The following ARHGAP42 variants were observed in gnomAD, a reference collection of about 807,000 sequenced individuals.
The protein encoded by ARHGAP42 is rho GTPase-activating protein 42.
In ARHGAP42, 63 loss-of-function variants were observed where a neutral mutation model predicts 125.0. The ratio of observed to expected loss-of-function variants is 0.50; its 90% CI spans 0.41 to 0.62. The LOEUF (loss-of-function observed/expected upper bound fraction) is 0.62, where lower values mean the gene tolerates loss of function less well. Among genes scored for constraint, ARHGAP42 ranks in the 20% least tolerant of loss-of-function variants. The probability of loss-of-function intolerance (pLI) is 0.00; values close to 1 mark genes in which losing one functional copy is unlikely to be tolerated. For missense variants in ARHGAP42, 766 were observed against 1,024.2 expected (o/e 0.75, Z 3.44); for synonymous variants, 339 against 351.0 (o/e 0.97, Z 0.38).
chr11:100,800,789 A>G (rs937805416), intron 3 of ARHGAP42, among the ~76,000 whole-genome samples: 10 of 152,238 alleles, frequency 6.6e-5, no homozygotes, highest in South Asian at 4.1e-4. Flanking sequence ...GAAAAAAACT[A>G]TAGATACAAG....
chr11:100,947,451 T>C (rs1229909743), intron 10 of ARHGAP42, among the ~76,000 whole-genome samples: 1 of 152,088 alleles, frequency 6.6e-6, no homozygotes, highest in East Asian at 1.9e-4. Context: ...AACTCTGTAC[T>C]TAGGTTTTTT....
chr11:100,875,099 CTCTCTCTCTGTGTGTGTGTGTG>C (rs1865784065), intron 4 of ARHGAP42, among the ~76,000 whole-genome samples: 2 of 106,722 alleles, frequency 1.9e-5, no homozygotes, highest in South Asian at 3.3e-4. Flanking sequence ...CTCTCTCTCT[CTCTCTCTCTGTGTGTGTGTGTG>C]TGTGTGTGTG....
chr11:100,826,259 T>C (rs943285556), intron 3 of ARHGAP42, among the ~76,000 whole-genome samples: 1 of 152,162 alleles, frequency 6.6e-6, no homozygotes, highest in African/African-American at 2.4e-5. Flanking sequence ...GGGAAACACA[T>C]GAATGAGATG....
At chr11:100,714,908 C>T (rs1861629739) in intron 1 of ARHGAP42, among the ~76,000 whole-genome samples, 1 of 151,932 alleles carries the variant, frequency 6.6e-6, no homozygotes, top group South Asian at 2.1e-4. Flanking sequence ...ATTAGCTGGG[C>T]ATAGTGGTGC....
chr11:100,729,551 A>G (rs1861919129), intron 1 of ARHGAP42, among the ~76,000 whole-genome samples: 2 of 152,178 alleles, frequency 1.3e-5, no homozygotes, highest in Admixed American at 1.3e-4. Context: ...ATGCTTTGTC[A>G]TAACCATCTA....
intron 1 of ARHGAP42, among the ~76,000 whole-genome samples, chr11:100,697,760 A>G (rs1212940619): frequency 6.6e-6 from 1 of 152,162 alleles, no homozygotes; most frequent in African/African-American, 2.4e-5. Flanking sequence ...TCCAAATGAG[A>G]GCTATGTAAA....
chr11:100,832,451 A>G (rs951953994), intron 3 of ARHGAP42, among the ~76,000 whole-genome samples: 3 of 152,220 alleles, frequency 2.0e-5, no homozygotes, highest in African/African-American at 7.2e-5. Flanking sequence ...TTTTATTTAA[A>G]ACAATTCAAA....
chr11:100,947,346 G>T (rs886201903), intron 10 of ARHGAP42, among the ~76,000 whole-genome samples: 5 of 151,744 alleles, frequency 3.3e-5, no homozygotes, highest in African/African-American at 9.7e-5. Context: ...ATAGTTTTGT[G>T]TAGATATTTC....
intron 3 of ARHGAP42, among the ~76,000 whole-genome samples, chr11:100,854,805 G>C (rs1050765558): frequency 1.3e-5 from 2 of 152,156 alleles, no homozygotes; most frequent in Non-Finnish European, 2.9e-5. Context: ...GAGGAAGGAA[G>C]AACTAGATAC....
chr11:100,824,485 T>C (rs2135081798), intron 3 of ARHGAP42, among the ~76,000 whole-genome samples: 1 of 152,164 alleles, frequency 6.6e-6, no homozygotes, highest in Non-Finnish European at 1.5e-5. Flanking sequence ...TACATACAGG[T>C]TATTGCACTA....
chr11:100,957,737 C>T (rs971618309), intron 12 of ARHGAP42, among the ~76,000 whole-genome samples: 1 of 152,042 alleles, frequency 6.6e-6, no homozygotes, highest in African/African-American at 2.4e-5. Flanking sequence ...CGTAGAGTAA[C>T]GCTGCAGTTA....
chr11:100,841,724 G>T (rs1309652790), intron 3 of ARHGAP42, among the ~76,000 whole-genome samples: 1 of 151,938 alleles, frequency 6.6e-6, no homozygotes. Context: ...TCTTCTCTCT[G>T]CCTGAAAGCC....
At chr11:100,774,099 C>T (rs1423787902) in intron 2 of ARHGAP42, among the ~76,000 whole-genome samples, 2 of 152,248 alleles carry the variant, frequency 1.3e-5, no homozygotes, top group East Asian at 3.9e-4. Context: ...TACCTGAGCT[C>T]CCACATATAC....
At chr11:100,886,578 A>T (rs1384270123) in intron 4 of ARHGAP42, among the ~76,000 whole-genome samples, 1 of 152,246 alleles carries the variant, frequency 6.6e-6, no homozygotes, top group African/African-American at 2.4e-5. Flanking sequence ...CATCACAAAG[A>T]ATTAGCTTTT....
Position 100,896,305 on chromosome 11 carries a change from A to T in ARHGAP42, c.385-17147A>T, listed in dbSNP as rs192032087. On this transcript the variant is annotated intron_variant, in intron 4 of 23. Coordinates refer to ENST00000298815, the MANE Select transcript of ARHGAP42 (RefSeq NM_152432.4). The stretch of plus-strand genomic sequence containing the variant: ...GTGAATAGTGCCACAATAAATATAC[A>T]TGTGCATGTGTCTTTATAGTAGCAT... Among the ~76,000 whole-genome samples, 1,172 of 152,292 alleles carry T rather than the reference A, an allele frequency of 7.7e-3. 21 individuals carry two copies. The highest frequency in any genetic ancestry group is 0.03 in the Admixed American group (458 of 15,286).
intron 9 of ARHGAP42, among the ~76,000 whole-genome samples, 196 bp downstream of exon 9, chr11:100,942,080 C>T (rs947783146): frequency 6.6e-6 from 1 of 152,120 alleles, no homozygotes; most frequent in Non-Finnish European, 1.5e-5. Flanking sequence ...TTAACTTGGC[C>T]ATGGCATATT....
At chr11:100,904,855 A>T (rs1241708344) in intron 4 of ARHGAP42, among the ~76,000 whole-genome samples, 1 of 152,218 alleles carries the variant, frequency 6.6e-6, no homozygotes, top group African/African-American at 2.4e-5. Flanking sequence ...ATGAGGATTT[A>T]TTATTCTTAC....
At chr11:100,714,645 G>A (rs7945656) in intron 1 of ARHGAP42, among the ~76,000 whole-genome samples, 44,833 of 152,030 alleles carry the variant, frequency 0.29, 6,994 homozygotes, top group African/African-American at 0.37. Context: ...ATCAGTTAGC[G>A]TAGAGATATC....
At chr11:100,882,840 A>G (rs1416296241) in intron 4 of ARHGAP42, among the ~76,000 whole-genome samples, 5 of 152,046 alleles carry the variant, frequency 3.3e-5, no homozygotes, top group Non-Finnish European at 5.9e-5. Flanking sequence ...GGAGAGTTGT[A>G]TCTTTCCAGG....
Sources: allele counts gnomAD v4.1 joint callset (sites outside exome capture counted in the v4.1 genomes callset), GRCh38; gene constraint gnomAD v4.1.1; transcripts MANE v1.5; gene names NCBI Gene and HGNC (gene_info 2026-07-23, HGNC 2026-07-21).